PRKDC: variants seen among roughly 807,000 people sequenced by gnomAD.
The protein encoded by PRKDC is DNA-dependent protein kinase catalytic subunit.
A neutral mutation model predicts 486.9 loss-of-function variants in PRKDC; 82 were observed. The observed-to-expected ratio is 0.17, with a 90% CI of 0.14 to 0.20. The LOEUF is 0.20. Among genes scored for constraint, PRKDC ranks in the 10% least tolerant of loss-of-function variants. PRKDC has a pLI of 1.00. For synonymous variants in PRKDC, 1,895 were observed against 1,837.0 expected, an observed-to-expected ratio of 1.03 and a Z score of -0.81; for missense variants, 4,504 against 5,038.2, an observed-to-expected ratio of 0.89 and a Z score of 3.21.
At chr8:47,875,702 T>C (rs2089077287) in intron 40 of PRKDC, among the ~76,000 whole-genome samples, 1 of 152,234 alleles carries the variant, frequency 6.6e-6, no homozygotes, top group Admixed American at 6.5e-5. Flanking sequence ...TTACAAACAT[T>C]TTCAGATTCC....
intron 67 of PRKDC, among the ~76,000 whole-genome samples, chr8:47,818,925 A>G (rs763451013): frequency 6.6e-5 from 10 of 152,192 alleles, no homozygotes; most frequent in Non-Finnish European, 1.5e-4. Context: ...TCAGCGATAC[A>G]AAGGCCTTCC....
At chr8:47,910,849 C>T (rs1022182693) in intron 25 of PRKDC, among the ~76,000 whole-genome samples, 15 of 150,882 alleles carry the variant, frequency 9.9e-5, no homozygotes, top group African/African-American at 3.2e-4. Flanking sequence ...TTTTTTGATG[C>T]TGTTATGAAT....
chr8:47,853,341 A>G (rs1218128248), intron 51 of PRKDC, among the ~76,000 whole-genome samples: 2 of 152,338 alleles, frequency 1.3e-5, no homozygotes, highest in South Asian at 2.1e-4. Context: ...CCCTGAGGTC[A>G]TGTGTCATCT....
At chr8:47,828,608 T>G (rs1337466273) in intron 61 of PRKDC, among the ~76,000 whole-genome samples, 1 of 152,218 alleles carries the variant, frequency 6.6e-6, no homozygotes, top group Non-Finnish European at 1.5e-5. Flanking sequence ...CAATACATAA[T>G]GACATAGCTT....
rs138642636 is a variant in PRKDC at position 47,872,942 on chromosome 8, C to G, written c.5363+4782G>C. Among the ~76,000 whole-genome samples, 1,035 of 152,190 alleles carry G rather than the reference C, an allele frequency of 6.8e-3. 9 individuals are homozygous for G. The highest frequency in any genetic ancestry group is 0.023 in the African/African-American group (973 of 41,546). On this transcript the variant is annotated intron_variant, in intron 40 of 85. Transcript: ENST00000314191. ...CAATCAGCACTACAGACTAAATGAACCTTACAGATGTTTACAGAACATCTG... is the reference window on the plus strand; with the variant it reads ...CAATCAGCACTACAGACTAAATGAAGCTTACAGATGTTTACAGAACATCTG...
chr8:47,859,452 T>C (rs904004382), intron 46 of PRKDC, among the ~76,000 whole-genome samples, 159 bp downstream of exon 46: 2 of 152,226 alleles, frequency 1.3e-5, no homozygotes, highest in African/African-American at 4.8e-5. Context: ...AATAAAAGGC[T>C]AGGAATTAGA....
intron 68 of PRKDC, among the ~76,000 whole-genome samples, chr8:47,809,322 C>T (rs564414416): frequency 1.3e-5 from 2 of 152,166 alleles, no homozygotes; most frequent in Admixed American, 1.3e-4. Context: ...GGCTCATTCC[C>T]TAAAGCTACC....
Position 47,782,442 on chromosome 8 carries a change from C to T in PRKDC, c.11332G>A (p.Asp3778Asn). ...AGGGCCCTCTGGCTGCAGGCGGAGT[C>T]TTGGGCCAGGATCCCATTCATGACC... is the stretch of plus-strand genomic sequence containing the variant. ...FQVMNGILAQ[D>N]SACSQRALQL... Residue 3778 changes from aspartate (D) to asparagine (N), a missense_variant, in exon 79 of 86, where the codon GAC becomes AAC. This residue lies in a region of PRKDC where 706 missense variants were observed against 945.0 expected (regional missense o/e 0.75). Transcript: ENST00000314191. The surrounding 1 kb of genome is among the most constrained non-coding windows in gnomAD (Gnocchi z 4.9). 6.3e-7 allele frequency: 1 copy of T among 1,597,352 alleles called. No homozygotes were observed. Among genetic ancestry groups the T allele is most frequent in the Non-Finnish European group, 8.5e-7 (1 of 1,172,764 alleles).
intron 42 of PRKDC, among the ~76,000 whole-genome samples, chr8:47,863,164 T>C (rs2088716462): frequency 6.6e-6 from 1 of 152,034 alleles, no homozygotes; most frequent in South Asian, 2.1e-4. Context: ...AAAAGAACAG[T>C]AAAAGGAAAA....
intron 21 of PRKDC, among the ~76,000 whole-genome samples, chr8:47,924,088 T>C (rs1657313633): frequency 6.6e-6 from 1 of 152,240 alleles, no homozygotes; most frequent in African/African-American, 2.4e-5. Flanking sequence ...ATAACGTTTC[T>C]AAAGTTATTT....
intron 24 of PRKDC, among the ~76,000 whole-genome samples, chr8:47,913,558 A>C (rs777166852): frequency 2.0e-5 from 3 of 151,984 alleles, no homozygotes; most frequent in South Asian, 2.1e-4. Context: ...CAGCACACCT[A>C]ATTTTTGTAT....
intron 69 of PRKDC, 76 bp downstream of exon 69, chr8:47,807,061 G>C: frequency 7.0e-7 from 1 of 1,433,178 alleles, no homozygotes; most frequent in Non-Finnish European, 9.4e-7. Context: ...AGACTCTAAA[G>C]AAAAGCTAAA....
intron 5 of PRKDC, 130 bp from the exon 6 acceptor site, chr8:47,954,049 T>G: frequency 3.5e-6 from 2 of 572,474 alleles, no homozygotes; most frequent in South Asian, 3.0e-5. Flanking sequence ...ATATAAAATA[T>G]AAAGCTTTTA....
chr8:47,930,907 G>A (rs1035202019), intron 16 of PRKDC, 120 bp from the exon 17 acceptor site: 6 of 933,708 alleles, frequency 6.4e-6, no homozygotes, highest in East Asian at 5.5e-5. Flanking sequence ...TTGCAACAGC[G>A]AGAAAGACCA....
chr8:47,920,799 A>C (rs1012591408), intron 21 of PRKDC, among the ~76,000 whole-genome samples: 3 of 152,194 alleles, frequency 2.0e-5, no homozygotes, highest in African/African-American at 7.2e-5. Flanking sequence ...GTTTTTTAAA[A>C]CTGTGGTGTA....
intron 4 of PRKDC, among the ~76,000 whole-genome samples, chr8:47,954,683 A>G (rs569360656): frequency 6.6e-6 from 1 of 152,228 alleles, no homozygotes; most frequent in Non-Finnish European, 1.5e-5. Context: ...GTGGAAGAAC[A>G]TCAGGGGAAG....
At chr8:47,842,474 C>T (rs1490390675) in intron 54 of PRKDC, among the ~76,000 whole-genome samples, 1 of 152,022 alleles carries the variant, frequency 6.6e-6, no homozygotes, top group Non-Finnish European at 1.5e-5. Flanking sequence ...TCAGGAGAGC[C>T]TATACAGAGC....
At chr8:47,915,448 A>C in intron 22 of PRKDC, 30 bp from the exon 23 acceptor site, 1 of 1,248,814 alleles carries the variant, frequency 8.0e-7, no homozygotes, top group Non-Finnish European at 1.1e-6. Flanking sequence ...TATATATGTG[A>C]TTACAAATGG....
chr8:47,957,213 T>C lies in PRKDC; in HGVS notation c.282A>G (p.Glu94=). 1 of 1,601,446 alleles carries C rather than the reference T, an allele frequency of 6.2e-7. No individual in the cohort carries two copies. The highest frequency in any genetic ancestry group is 8.5e-7 in the Non-Finnish European group (1 of 1,170,758). ...EILKFLCIFL[E]KMGQKIAPYS... Reference sequence around the variant, plus strand: ...AAGGTGCGATCTTCTGGCCCATTTTTTCTAAGAAAATACATAAAAACTTTA... The same window carrying C: ...AAGGTGCGATCTTCTGGCCCATTTTCTCTAAGAAAATACATAAAAACTTTA... Residue 94 remains glutamate, a synonymous_variant, in exon 3 of 86, where the codon GAA becomes GAG. Transcript: ENST00000314191.
Sources: allele counts gnomAD v4.1 joint callset (sites outside exome capture counted in the v4.1 genomes callset), GRCh38; gene constraint gnomAD v4.1.1; regional missense constraint gnomAD v4.1.1; non-coding constraint Gnocchi (gnomAD v3.1); transcripts MANE v1.5; gene names NCBI Gene and HGNC (gene_info 2026-07-23, HGNC 2026-07-21).